NTN1: variants seen among roughly 807,000 people sequenced by gnomAD.
The protein encoded by NTN1 is netrin-1.
In NTN1, 11 loss-of-function variants were observed where a neutral mutation model predicts 54.2. The ratio of observed to expected loss-of-function variants is 0.20; its 90% confidence interval spans 0.13 to 0.34. The LOEUF is 0.34. Ranked by LOEUF, NTN1 falls within the 10% of genes least tolerant of loss-of-function variation. NTN1 has a pLI of 1.00. For synonymous variants in NTN1, 371 were observed against 382.0 expected (o/e 0.97, Z 0.33); for missense variants, 740 against 893.1 (o/e 0.83, Z 2.18).
chr17:9,097,539 C>T (rs772506700), intron 2 of NTN1, among the ~76,000 whole-genome samples: 11 of 152,008 alleles, frequency 7.2e-5, no homozygotes, highest in Non-Finnish European at 7.4e-5. Flanking sequence ...GCAGGATAAT[C>T]GCTTGAACCT....
chr17:9,082,542 C>T (rs117884301), intron 2 of NTN1, among the ~76,000 whole-genome samples: 2,706 of 152,308 alleles, frequency 0.018, 42 homozygotes, highest in Non-Finnish European at 0.026. Flanking sequence ...ACATACACAA[C>T]TGGCTGGTGA....
intron 2 of NTN1, among the ~76,000 whole-genome samples, chr17:9,063,387 C>T (rs1015643972): frequency 2.8e-4 from 42 of 150,968 alleles, no homozygotes; most frequent in East Asian, 1.0e-3. Flanking sequence ...CGTGAGCCAC[C>T]GCTCCCAGCC....
At chr17:9,217,353 G>A (rs990242861) in intron 5 of NTN1, among the ~76,000 whole-genome samples, 1 of 152,152 alleles carries the variant, frequency 6.6e-6, no homozygotes, top group African/African-American at 2.4e-5. Context: ...CATCAGTTTC[G>A]TTTTTGGCAC....
chr17:9,072,597 C>G (rs1002221845), intron 2 of NTN1, among the ~76,000 whole-genome samples: 4 of 152,194 alleles, frequency 2.6e-5, no homozygotes, highest in African/African-American at 9.6e-5. Context: ...GGCAGGGAGG[C>G]CCCCTGCATT....
Position 9,221,161 on chromosome 17 carries a change from C to CCCCCCCACACA in NTN1, c.1412-6_1412-5insCCCCCACACAC. 6.3e-7 allele frequency: 1 copy of CCCCCCCACACA among 1,592,544 alleles called. No individual in the cohort carries two copies. The highest frequency in any genetic ancestry group is 8.6e-7 in the Non-Finnish European group (1 of 1,161,324). ...TTTGTCTGTGCTCCCCCCCCACCCCCCTGCAGACTGCGATTCCTACTGCAA... is the reference window on the plus strand; with the variant it reads ...TTTGTCTGTGCTCCCCCCCCACCCCCCCCCCCACACACTGCAGACTGCGATTCCTACTGCAA... On this transcript the variant is annotated splice_polypyrimidine_tract_variant and splice_region_variant and intron_variant, in intron 5 of 6. Transcript: ENST00000173229. This position sits in a 1 kb window ranked among gnomAD's most constrained non-coding sequence, Gnocchi z 4.5.
intron 2 of NTN1, among the ~76,000 whole-genome samples, chr17:9,159,177 A>G (rs2092350980): frequency 6.6e-6 from 1 of 152,246 alleles, no homozygotes; most frequent in South Asian, 2.1e-4. Flanking sequence ...CCTGATCACT[A>G]GACAGCATGA....
At chr17:9,163,147 GACACACACACACACACAC>G (rs56255655) in intron 3 of NTN1, 146 bp downstream of exon 3, 34 of 524,710 alleles carry the variant, frequency 6.5e-5, no homozygotes, top group East Asian at 5.7e-4. Flanking sequence ...CTCTCTCTGT[GACACACACACACACACAC>G]ACACACACAC....
intron 2 of NTN1, among the ~76,000 whole-genome samples, chr17:9,151,875 C>T (rs535797804): frequency 5.3e-5 from 8 of 152,232 alleles, no homozygotes; most frequent in Admixed American, 3.3e-4. Flanking sequence ...CACCAATCAG[C>T]GCTCTGTAAA....
chr17:9,038,634 T>G (rs1355239843), intron 2 of NTN1, among the ~76,000 whole-genome samples: 1 of 152,038 alleles, frequency 6.6e-6, no homozygotes, highest in South Asian at 2.1e-4. Context: ...AATCAGTCAG[T>G]CTTTCCCCTT....
chr17:9,105,179 T>C (rs2092161943), intron 2 of NTN1, among the ~76,000 whole-genome samples: 2 of 152,268 alleles, frequency 1.3e-5, no homozygotes, highest in South Asian at 2.1e-4. Context: ...ACCTGGCCTT[T>C]AGGAAGAGCC....
intron 6 of NTN1, among the ~76,000 whole-genome samples, chr17:9,225,020 C>T (rs1253371260): frequency 2.0e-5 from 3 of 152,012 alleles, no homozygotes; most frequent in East Asian, 3.9e-4. Context: ...GGGGGCACTT[C>T]GGGAGGCAGA....
chr17:9,125,436 C>T (rs2092243936), intron 2 of NTN1, among the ~76,000 whole-genome samples: 1 of 151,962 alleles, frequency 6.6e-6, no homozygotes, highest in Admixed American at 6.6e-5. Context: ...CCATGTTGGG[C>T]AGGCTGGTCT....
the NTN1 span, among the ~76,000 whole-genome samples, chr17:9,016,291 C>T: frequency 6.6e-6 from 1 of 152,048 alleles, no homozygotes; most frequent in South Asian, 2.1e-4. Flanking sequence ...GTGGACAGCC[C>T]GTCCAGCACC....
intron 2 of NTN1, among the ~76,000 whole-genome samples, chr17:9,072,360 C>G (rs1163767631): frequency 6.6e-6 from 1 of 151,222 alleles, no homozygotes. Context: ...ATGCACTATT[C>G]TGATTTTGTG....
chr17:9,116,076 A>G (rs1486049403), intron 2 of NTN1, among the ~76,000 whole-genome samples: 1 of 152,194 alleles, frequency 6.6e-6, no homozygotes, highest in Non-Finnish European at 1.5e-5. Context: ...GGGTGTCGTC[A>G]TCTTGCTTGG....
At chr17:9,231,686 G>A (rs2142371176) in intron 6 of NTN1, among the ~76,000 whole-genome samples, 1 of 152,328 alleles carries the variant, frequency 6.6e-6, no homozygotes, top group East Asian at 1.9e-4. Flanking sequence ...GTCTTTGAGA[G>A]GTTCTCAGCC....
At chr17:9,099,913 A>T (rs1356833941) in intron 2 of NTN1, among the ~76,000 whole-genome samples, 4 of 152,184 alleles carry the variant, frequency 2.6e-5, no homozygotes, top group Non-Finnish European at 4.4e-5. Context: ...ATAGAAGAAA[A>T]ATGTACTGAG....
At chr17:9,092,631 T>C (rs1016725481) in intron 2 of NTN1, among the ~76,000 whole-genome samples, 14 of 152,058 alleles carry the variant, frequency 9.2e-5, no homozygotes, top group Non-Finnish European at 1.6e-4. Flanking sequence ...TATCACTCTG[T>C]GGCCCAGGCT....
chr17:9,178,011 G>A (rs1055198668), intron 3 of NTN1, among the ~76,000 whole-genome samples: 3 of 152,136 alleles, frequency 2.0e-5, no homozygotes, highest in Admixed American at 1.3e-4. Context: ...CCTGGCTGAC[G>A]TGTTAAAACC....
Sources: gnomAD v4.1 joint callset for allele counts (sites outside exome capture counted in the v4.1 genomes callset) on GRCh38, gnomAD v4.1.1 for gene constraint, Gnocchi (gnomAD v3.1) non-coding constraint, MANE v1.5 for transcripts, NCBI Gene and HGNC (gene_info 2026-07-23, HGNC 2026-07-21) for gene names.